GRK1: variants seen among roughly 807,000 people sequenced by gnomAD.
GRK1 encodes rhodopsin kinase GRK1.
A neutral mutation model predicts 41.7 loss-of-function variants in GRK1; 28 were observed. That is an observed-to-expected ratio of 0.67 (90% CI 0.50 to 0.92). The LOEUF (loss-of-function observed/expected upper bound fraction) is 0.92. Ranked by LOEUF, GRK1 falls within the 40% of genes least tolerant of loss-of-function variation. The pLI is 0.00. For synonymous variants in GRK1, 327 were observed against 286.7 expected (o/e 1.14, Z -1.42); for missense variants, 703 against 671.2 (o/e 1.05, Z -0.52).
chr13:113,652,558 G>C, the GRK1 span: 1 of 434,238 alleles, frequency 2.3e-6, no homozygotes. Context: ...AGAACTTGAG[G>C]CCCCTTTACC....
rs950861227 is a variant in GRK1, at chr13:113,671,376, C to G, written c.828-123C>G. ...TGTCCTCTGCAGGGACGTAGGGGGG[C>G]CAGGCCTCAAAACGACCAGAACGCT... On this transcript the variant is annotated intron_variant, in intron 2 of 6. Coordinates refer to ENST00000335678, the MANE Select transcript of GRK1 (RefSeq NM_002929.3). The surrounding 1 kb of genome is among the most constrained non-coding windows in gnomAD (Gnocchi z 4.1). 4.2e-6 allele frequency: 3 copies of G among 709,364 alleles called. No individual in the cohort carries two copies. Among genetic ancestry groups the G allele is most frequent in the South Asian group, 1.5e-5 (1 of 65,302 alleles). The allele number at this position is 709,364 out of a possible 1,614,324, so 43.9% of individuals were successfully genotyped here.
Position 113,668,097 on chromosome 13 carries a change from G to T in GRK1, c.699+12G>T. ...GGAAGGGCTACCAGGTGAGCAGCGC[G>T]ACCCGGCCAGCAGGGATGGGGTGGC... On this transcript the variant is annotated intron_variant, in intron 1 of 6. Coordinates refer to ENST00000335678, the MANE Select transcript of GRK1 (RefSeq NM_002929.3). 1.9e-6 allele frequency: 3 copies of T among 1,591,504 alleles called. No individual in the cohort carries two copies. In the South Asian group the frequency reaches 3.4e-5, roughly 18 times the overall value.
At chr13:113,668,144 A>G in intron 1 of GRK1, 59 bp downstream of exon 1, 1 of 1,500,938 alleles carries the variant, frequency 6.7e-7, no homozygotes, top group Non-Finnish European at 9.0e-7. Flanking sequence ...ATGGGGCGGC[A>G]GGGTGCAGAG....
chr13:113,657,407 G>A, the GRK1 span, among the ~76,000 whole-genome samples: 1 of 152,236 alleles, frequency 6.6e-6, no homozygotes, highest in Non-Finnish European at 1.5e-5. Context: ...CCCTGATGTA[G>A]ACGCAGACGC....
At chr13:113,651,782 T>C in the GRK1 span, 2 of 1,589,768 alleles carry the variant, frequency 1.3e-6, no homozygotes, top group Non-Finnish European at 1.7e-6. Flanking sequence ...CCATGTGAGG[T>C]GCACGGCACC....
At chr13:113,657,142 C>A in the GRK1 span, among the ~76,000 whole-genome samples, 2 of 152,142 alleles carry the variant, frequency 1.3e-5, no homozygotes. Flanking sequence ...GCATTCCCAG[C>A]ACGTCTCAGC....
intron 4 of GRK1, among the ~76,000 whole-genome samples, chr13:113,730,913 A>G (rs894381202): frequency 7.9e-5 from 12 of 152,254 alleles, no homozygotes; most frequent in Non-Finnish European, 1.6e-4. Flanking sequence ...GCCTCAGTGC[A>G]GCTACAGTCA....
rs780339037 is a variant in GRK1, at chr13:113,671,471, T to A, written c.828-28T>A. 8 of 777,208 alleles carry A rather than the reference T, an allele frequency of 1.0e-5. No individual in the cohort carries two copies. Among genetic ancestry groups the A allele is most frequent in the Non-Finnish European group, 1.7e-5 (7 of 417,850 alleles). 48.1% of individuals were successfully genotyped at this position (777,208 alleles called of 1,614,324 possible). ...ATTTTACTCCCCATTAAACCCGGGGTGCATGGTTCCCACGTGTCTTCCCCC... is the reference window on the plus strand; with the variant it reads ...ATTTTACTCCCCATTAAACCCGGGGAGCATGGTTCCCACGTGTCTTCCCCC... On this transcript the variant is annotated intron_variant, in intron 2 of 6. Coordinates refer to ENST00000335678, the MANE Select transcript of GRK1 (RefSeq NM_002929.3). The surrounding 1 kb of genome is among the most constrained non-coding windows in gnomAD (Gnocchi z 4.1).
At chr13:113,659,178 C>T in the GRK1 span, among the ~76,000 whole-genome samples, 1 of 152,222 alleles carries the variant, frequency 6.6e-6, no homozygotes, top group Non-Finnish European at 1.5e-5. Context: ...TGTTGGGCGG[C>T]GCACTTCAGA....
the GRK1 span, chr13:113,650,436 G>A: frequency 1.1e-4 from 185 of 1,613,990 alleles, no homozygotes; most frequent in Non-Finnish European, 1.4e-4. The surrounding 1 kb of genome is among the most constrained non-coding windows in gnomAD (Gnocchi z 5.0). Context: ...AAGGGAAGTA[G>A]TGCAGACTGA....
rs183414924 is a variant in GRK1 at position 113,733,602 on chromosome 13, T to C, written c.1396+517T>C. 3.4e-3 allele frequency among the ~76,000 whole-genome samples: 514 copies of C among 150,476 alleles called. 5 individuals are homozygous for C. The highest frequency in any genetic ancestry group is 5.2e-3 in the Non-Finnish European group (354 of 67,680). On this transcript the variant is annotated intron_variant, in intron 6 of 6. Coordinates refer to ENST00000335678, the MANE Select transcript of GRK1 (RefSeq NM_002929.3). ...GTGTGCATACGTGTGTGTGCATGTG[T>C]GCGCATGTGTATGTGTGTGCATACG...
At position 113,732,936 on chromosome 13, in the gene GRK1, CTGA is replaced by C. The variant is rs765868993; in HGVS notation, c.1249_1251del (p.Asp417del). On this transcript the variant is annotated inframe_deletion, in exon 6 of 7. Coordinates refer to ENST00000335678, the MANE Select transcript of GRK1 (RefSeq NM_002929.3). ...ATCATCTCAGAGCCCGTGAAGTACCCTGATAAGTTCAGCCAGGCCAGCAAGGAC... is the reference window on the plus strand; with the variant it reads ...ATCATCTCAGAGCCCGTGAAGTACCCTAAGTTCAGCCAGGCCAGCAAGGAC... 44 of 1,536,858 alleles carry C rather than the reference CTGA, an allele frequency of 2.9e-5. No homozygotes were observed. Among genetic ancestry groups the C allele is most frequent in the Non-Finnish European group, 3.5e-5 (40 of 1,146,908 alleles).
In GRK1 at chr13:113,735,696, G is replaced by C. The variant is rs919298016; in HGVS notation, c.*333G>C. On this transcript the variant is annotated 3_prime_UTR_variant, in exon 7 of 7. Transcript: ENST00000335678. ...CTCCTGCATTGGTGATTGACCAACC[G>C]TGTGGTCAGGGGCAGAGACTCGGTT... The C allele has an allele frequency of 4.5e-6, 1 of 220,210 alleles. No homozygotes were observed. The highest frequency in any genetic ancestry group is 8.9e-6 in the Non-Finnish European group (1 of 112,638). The allele number at this position is 220,210 out of a possible 1,614,324, so 13.6% of individuals were successfully genotyped here.
intron 4 of GRK1, among the ~76,000 whole-genome samples, chr13:113,730,996 C>A (rs1003588749): frequency 6.6e-6 from 1 of 152,190 alleles, no homozygotes; most frequent in African/African-American, 2.4e-5. Context: ...GTTGTCACAG[C>A]CTGGGGGTGC....
intron 2 of GRK1, among the ~76,000 whole-genome samples, chr13:113,670,775 G>T (rs1287924066): frequency 1.1e-4 from 17 of 149,692 alleles, no homozygotes; most frequent in Admixed American, 2.0e-4. Flanking sequence ...GCGGAGGGGA[G>T]GGGGCGCTGG....
rs534894455 is a variant in GRK1 at position 113,724,129 on chromosome 13, A to AC, written c.1069+977dup. Reference sequence around the variant, plus strand: ...TCGCAGCACCTGTGGAGGAGAGGAGACCCCCACAGTCAAGCAGAGCGGGGT... The same window carrying AC: ...TCGCAGCACCTGTGGAGGAGAGGAGACCCCCCACAGTCAAGCAGAGCGGGGT... On this transcript the variant is annotated intron_variant, in intron 4 of 6. Transcript: ENST00000335678. Among the ~76,000 whole-genome samples, 97 of 151,056 alleles carry AC rather than the reference A, an allele frequency of 6.4e-4. No homozygotes were observed. The Middle Eastern group carries it at 0.01, about 16-fold the overall frequency.
chr13:113,734,703 T>G lies in GRK1; in HGVS notation c.1397-365T>G, dbSNP rs147066527. 1,089 of 183,254 alleles carry G rather than the reference T, an allele frequency of 5.9e-3. 12 individuals are homozygous for G. The highest frequency in any genetic ancestry group is 0.024 in the African/African-American group (1,006 of 42,650). The allele number at this position is 183,254 out of a possible 1,614,324, so 11.4% of individuals were successfully genotyped here. Reference sequence around the variant, plus strand: ...GCAGAGTGCGCAGGGGAGGCCCTGGTGGGGATGGGGCCCCAGGGGAAGGCG... The same window carrying G: ...GCAGAGTGCGCAGGGGAGGCCCTGGGGGGGATGGGGCCCCAGGGGAAGGCG... On this transcript the variant is annotated intron_variant, in intron 6 of 6. Transcript: ENST00000335678.
intron 6 of GRK1, among the ~76,000 whole-genome samples, chr13:113,733,488 C>T (rs997135422): frequency 2.0e-4 from 28 of 143,520 alleles, no homozygotes; most frequent in South Asian, 1.7e-3. Context: ...ACTATGTGCG[C>T]GCGTGTGTGT....
rs1412610792 is a variant in GRK1 at position 113,671,798 on chromosome 13, G to C, written c.985+142G>C. ...CATGAGGGCTGACGGCTTCGTGGAC[G>C]GTGGAGGTGTCATCGGGCACCAGGA... On this transcript the variant is annotated intron_variant, in intron 3 of 6. Coordinates refer to ENST00000335678, the MANE Select transcript of GRK1 (RefSeq NM_002929.3). This position sits in a 1 kb window ranked among gnomAD's most constrained non-coding sequence, Gnocchi z 4.1. The C allele has an allele frequency of 3.1e-6, 2 of 654,302 alleles. No homozygotes were observed. The highest frequency in any genetic ancestry group is 2.7e-5 in the East Asian group (1 of 36,752). The allele number at this position is 654,302 out of a possible 1,614,324, so 40.5% of individuals were successfully genotyped here.
Sources: allele counts gnomAD v4.1 joint callset (sites outside exome capture counted in the v4.1 genomes callset), GRCh38; gene constraint gnomAD v4.1.1; non-coding constraint Gnocchi (gnomAD v3.1); transcripts MANE v1.5; gene names NCBI Gene and HGNC (gene_info 2026-07-23, HGNC 2026-07-21).